Variants in RGPD8 observed in about 807,000 individuals in gnomAD.
RGPD8 encodes RANBP2 like and GRIP domain containing 8, also known as RANBP2-like and GRIP domain-containing protein 8.
Under a neutral mutation model 89.1 loss-of-function variants are expected in RGPD8, and 15 were observed. The observed-to-expected ratio is 0.17, with a 90% CI of 0.11 to 0.26. The LOEUF is 0.26. Ranked by LOEUF, RGPD8 falls within the 10% of genes least tolerant of loss-of-function variation. The pLI is 1.00. For missense variants in RGPD8, 178 were observed against 1,179.6 expected, an observed-to-expected ratio of 0.15 and a Z score of 12.44; for synonymous variants, 62 against 420.9, an observed-to-expected ratio of 0.15 and a Z score of 10.44.
At chr2:112,391,901 TAC>T (rs1241147363) in intron 18 of RGPD8, among the ~76,000 whole-genome samples, 1 of 93,758 alleles carries the variant, frequency 1.1e-5, no homozygotes, top group Non-Finnish European at 2.3e-5. Context: ...TCGGAAACCT[TAC>T]AGAGGTGAGG....
intron 22 of RGPD8, among the ~76,000 whole-genome samples, chr2:112,370,567 G>T (rs1677937643): frequency 7.5e-6 from 1 of 132,886 alleles, no homozygotes; most frequent in African/African-American, 2.8e-5. Flanking sequence ...AGAGATGCAG[G>T]TCTCACTGTT....
intron 6 of RGPD8, among the ~76,000 whole-genome samples, chr2:112,415,863 G>A (rs1223548144): frequency 2.9e-4 from 42 of 146,944 alleles, no homozygotes; most frequent in African/African-American, 1.0e-3. Flanking sequence ...AACCTGGCGA[G>A]AGCAAGACTC....
chr2:112,371,961 A>G (rs1677978059), intron 22 of RGPD8, among the ~76,000 whole-genome samples: 1 of 145,354 alleles, frequency 6.9e-6, no homozygotes, highest in African/African-American at 2.6e-5. Context: ...TGCGTAACAA[A>G]TTACTACAAA....
chr2:112,387,634 T>C (rs1678506572), intron 20 of RGPD8, among the ~76,000 whole-genome samples: 1 of 132,240 alleles, frequency 7.6e-6, no homozygotes, highest in Admixed American at 7.6e-5. Context: ...AGTGCTGGCA[T>C]TCTAGGAGTG....
chr2:112,387,345 T>TTTTTTTG (rs1157268418), intron 20 of RGPD8, among the ~76,000 whole-genome samples: 4 of 122,432 alleles, frequency 3.3e-5, no homozygotes, highest in Non-Finnish European at 7.1e-5. Flanking sequence ...ATATCATGTT[T>TTTTTTTG]TTTTTTGTTT....
In RGPD8 at chr2:112,370,268, C is replaced by T. The variant is rs1489279273; in HGVS notation, c.5264-56G>A. The T allele has an allele frequency of 1.6e-5, 16 of 1,020,492 alleles. 1 individual carries two copies. The highest frequency in any genetic ancestry group is 3.1e-5 in the South Asian group (2 of 64,342). 63.2% of individuals were successfully genotyped at this position (1,020,492 alleles called of 1,614,324 possible). Reference sequence around the variant, plus strand: ...GAAAAAAGAGAGTATTAAAATTTCTCAATGTAAAATCTATATTTTAGAACC... The same window carrying T: ...GAAAAAAGAGAGTATTAAAATTTCTTAATGTAAAATCTATATTTTAGAACC... On this transcript the variant is annotated intron_variant, in intron 22 of 22. Coordinates refer to ENST00000302558, the MANE Select transcript of RGPD8 (RefSeq NM_001164463.1).
chr2:112,389,218 C>T lies in RGPD8; in HGVS notation c.3727G>A (p.Gly1243Arg). The change falls in exon 20 of 23, where the codon GGG becomes AGG. Residue 1243 changes from glycine (G) to arginine (R), a missense_variant. Transcript: ENST00000302558. ...TAGTTATCCCATTCTAATGTGGGCC[C>T]AGTGTTTTCAGCATTGGGTTTTATT... is the stretch of plus-strand genomic sequence containing the variant. Reference protein sequence around the residue: ...TTIKPNAENTGPTLEWDNYDL... With the variant: ...TTIKPNAENTRPTLEWDNYDL... 6.4e-7 allele frequency: 1 copy of T among 1,571,966 alleles called. No homozygotes were observed. The highest frequency in any genetic ancestry group is 1.1e-5 in the South Asian group (1 of 88,626).
intron 22 of RGPD8, among the ~76,000 whole-genome samples, chr2:112,371,073 A>G (rs1677953404): frequency 6.6e-6 from 1 of 151,392 alleles, no homozygotes; most frequent in African/African-American, 2.4e-5. Context: ...AATTCTTTTA[A>G]AACAGAAGCT....
rs1267489183 is a variant in RGPD8, at chr2:112,389,999, T to C, written c.2946A>G (p.Gly982=). The C allele has an allele frequency of 6.4e-7, 1 of 1,572,822 alleles. No individual in the cohort carries two copies. The change falls in exon 20 of 23, where the codon GGA becomes GGG. Residue 982 remains glycine (G), a synonymous_variant. Coordinates refer to ENST00000302558, the MANE Select transcript of RGPD8 (RefSeq NM_001164463.1). ...TGAGGTCTTTTTTGCCAAACTGAAA[T>C]CCTTCTCCTGAAGTTGATTTTGCAA... ...ADVAKSTSGE[G]FQFGKKDLNF...
At chr2:112,373,373 G>T (rs762530302) in intron 22 of RGPD8, among the ~76,000 whole-genome samples, 2,875 of 147,408 alleles carry the variant, frequency 0.02, no homozygotes, top group African/African-American at 0.073. Context: ...TTTAAGTTGG[G>T]CCCCTAATAT....
chr2:112,411,564 G>T (rs1177449382), intron 7 of RGPD8, among the ~76,000 whole-genome samples: 83 of 12,320 alleles, frequency 6.7e-3, no homozygotes, highest in South Asian at 0.021. Flanking sequence ...GAGCGAGACT[G>T]CGTCTCAAAA....
intron 22 of RGPD8, among the ~76,000 whole-genome samples, chr2:112,373,288 C>T (rs1306432412): frequency 2.0e-5 from 3 of 152,276 alleles, no homozygotes; most frequent in African/African-American, 4.8e-5. Flanking sequence ...ACTACTGCTA[C>T]ACTCTAAGTC....
chr2:112,431,246 A>AC (rs1558993340), intron 1 of RGPD8, among the ~76,000 whole-genome samples: 2 of 152,062 alleles, frequency 1.3e-5, no homozygotes, highest in Non-Finnish European at 2.9e-5. Context: ...ACAGAGTGAG[A>AC]CCCCACCTCA....
chr2:112,433,409 C>T lies in RGPD8; in HGVS notation c.45G>A (p.Val15=), dbSNP rs758201092. 5.0e-6 allele frequency: 8 copies of T among 1,610,622 alleles called. No homozygotes were observed. The East Asian group carries it at 8.9e-5, about 18-fold the overall frequency. The part of the protein sequence containing the change: ...KADVERYVAS[V]LGLTPSPRQK... ...GTCGAGGCGACGGGGTGAGACCCAG[C>T]ACCGAGGCGACGTACCGCTCCACAT... Residue 15 remains valine (V), a synonymous_variant, in exon 1 of 23, where the codon GTG becomes GTA. Transcript: ENST00000302558.
At position 112,433,637 on chromosome 2, in the gene RGPD8, G is replaced by A. The variant is rs898174064; in HGVS notation, c.-184C>T. The stretch of plus-strand genomic sequence containing the variant: ...TGTGACGAACCTGCGTTCTGCCTCA[G>A]CACTGTGTATCCTCGGGGACGTCGG... On this transcript the variant is annotated 5_prime_UTR_variant, in exon 1 of 23. Coordinates refer to ENST00000302558, the MANE Select transcript of RGPD8 (RefSeq NM_001164463.1). 23 of 742,024 alleles carry A rather than the reference G, an allele frequency of 3.1e-5. No homozygotes were observed. Among genetic ancestry groups the A allele is most frequent in the Non-Finnish European group, 4.5e-5 (21 of 468,578 alleles). 46.0% of individuals were successfully genotyped at this position (742,024 alleles called of 1,614,324 possible).
chr2:112,432,578 C>T, intron 1 of RGPD8: 1 of 985,424 alleles, frequency 1.0e-6, no homozygotes, highest in Non-Finnish European at 1.2e-6. Flanking sequence ...TGCGTCAGTC[C>T]CCACTGGGTT....
chr2:112,371,988 A>AT (rs1677979147), intron 22 of RGPD8, among the ~76,000 whole-genome samples: 1 of 129,678 alleles, frequency 7.7e-6, no homozygotes, highest in Non-Finnish European at 1.6e-5. Flanking sequence ...ACCTTAACAC[A>AT]TATTTATTTC....
Position 112,370,117 on chromosome 2 carries a change from T to G in RGPD8, c.*61A>C. The G allele has an allele frequency of 8.5e-7, 1 of 1,172,818 alleles. No homozygotes were observed. Among genetic ancestry groups the G allele is most frequent in the Middle Eastern group, 2.2e-4 (1 of 4,532 alleles). 72.7% of individuals were successfully genotyped at this position (1,172,818 alleles called of 1,614,324 possible). ...TTTTTGTAAACAGATTCTATTTGGT[T>G]AATAGAAGTATTCCTTCCATCAACC... is the stretch of plus-strand genomic sequence containing the variant. On this transcript the variant is annotated 3_prime_UTR_variant, in exon 23 of 23. Transcript: ENST00000302558.
chr2:112,424,651 G>GGAGGTTGCAGTGAGCCA (rs1217228561), intron 1 of RGPD8, among the ~76,000 whole-genome samples: 57 of 151,870 alleles, frequency 3.8e-4, no homozygotes, highest in African/African-American at 1.3e-3. Flanking sequence ...CCCAGGAGGT[G>GGAGGTTGCAGTGAGCCA]GAGGTTGCAG....
Sources: allele counts gnomAD v4.1 joint callset (sites outside exome capture counted in the v4.1 genomes callset), GRCh38; gene constraint gnomAD v4.1.1; transcripts MANE v1.5; gene names NCBI Gene and HGNC (gene_info 2026-07-23, HGNC 2026-07-21).